The following ABCA13 variants were observed in gnomAD, a reference collection of about 807,000 sequenced individuals.
The protein encoded by ABCA13 is ATP-binding cassette sub-family A member 13.
ABCA13 carries 476 observed loss-of-function variants against 478.7 expected under a neutral mutation model. The observed-to-expected ratio is 0.99, with a 90% CI of 0.92 to 1.07. The LOEUF is 1.07. Ranked by LOEUF, ABCA13 falls within the 50% of genes least tolerant of loss-of-function variation. The probability of loss-of-function intolerance (pLI) is 0.00; values close to 1 mark genes in which losing one functional copy is unlikely to be tolerated. For synonymous variants in ABCA13, 2,252 were observed against 2,158.9 expected, an observed-to-expected ratio of 1.04 and a Z score of -1.20; for missense variants, 6,060 against 5,910.6, an observed-to-expected ratio of 1.03 and a Z score of -0.83.
Position 48,276,264 on chromosome 7 carries a change from G to A in ABCA13, c.6598G>A (p.Val2200Ile). Reference sequence around the variant, plus strand: ...TCAAGAACAGCTGACTAATTTCTCAGTTGTTCAGCTGCTTTTTGAAAACAT... The same window carrying A: ...TCAAGAACAGCTGACTAATTTCTCAATTGTTCAGCTGCTTTTTGAAAACAT... Reference protein sequence around the residue: ...LNQEQLTNFSVVQLLFENILI... With the variant: ...LNQEQLTNFSIVQLLFENILI... Residue 2200 changes from valine to isoleucine, a missense_variant, in exon 17 of 62, where the codon GTT becomes ATT. Transcript: ENST00000435803. 1 of 1,569,160 alleles carries A rather than the reference G, an allele frequency of 6.4e-7. No individual in the cohort carries two copies.
intron 47 of ABCA13, among the ~76,000 whole-genome samples, chr7:48,487,400 G>C (rs1829432733): frequency 6.6e-6 from 1 of 151,844 alleles, no homozygotes; most frequent in African/African-American, 2.4e-5. Context: ...GGGAGGCTGA[G>C]CAGGCAGCCT....
At chr7:48,598,783 TTCTA>T (rs1327389029) in intron 58 of ABCA13, among the ~76,000 whole-genome samples, 2 of 152,090 alleles carry the variant, frequency 1.3e-5, no homozygotes, top group Non-Finnish European at 2.9e-5. Context: ...AAAGATTTTC[TTCTA>T]TCTTTTTTTT....
intron 58 of ABCA13, among the ~76,000 whole-genome samples, chr7:48,610,371 A>G (rs1272567619): frequency 1.3e-5 from 2 of 152,208 alleles, no homozygotes; most frequent in Admixed American, 6.5e-5. Context: ...GGCCTTGAGC[A>G]GCTCCGCCCC....
chr7:48,520,245 C>T lies in ABCA13; in HGVS notation c.14002C>T (p.Leu4668Phe). The change falls in exon 53 of 62, where the codon CTT becomes TTT. Residue 4668 changes from leucine to phenylalanine, a missense_variant. Transcript: ENST00000435803. ...GCAACTGGCCTCGCAGGGCACAGTA[C>T]TTCTCCTCTTGAGGGTTCTGCTACA... ...FVQLASQGTV[L>F]LLLRVLLHWD... 1.2e-6 allele frequency: 2 copies of T among 1,613,506 alleles called. No individual in the cohort carries two copies. Among genetic ancestry groups the T allele is most frequent in the Non-Finnish European group, 1.7e-6 (2 of 1,179,700 alleles).
intron 35 of ABCA13, among the ~76,000 whole-genome samples, chr7:48,387,572 A>C (rs1815381726): frequency 6.6e-6 from 1 of 152,142 alleles, no homozygotes; most frequent in South Asian, 2.1e-4. Context: ...CCTACTCTAA[A>C]GATAAAGTCT....
intron 29 of ABCA13, among the ~76,000 whole-genome samples, chr7:48,346,390 A>G (rs111964075): frequency 6.6e-6 from 1 of 152,158 alleles, no homozygotes; most frequent in Non-Finnish European, 1.5e-5. Flanking sequence ...CACGCTTGCT[A>G]GGCAAGCTTA....
intron 31 of ABCA13, among the ~76,000 whole-genome samples, chr7:48,360,844 C>T (rs1237630205): frequency 1.3e-5 from 2 of 151,694 alleles, no homozygotes; most frequent in Non-Finnish European, 2.9e-5. Flanking sequence ...TGTAGTCCTG[C>T]CTTGAGGAAG....
intron 27 of ABCA13, among the ~76,000 whole-genome samples, chr7:48,330,649 C>T (rs1353569447): frequency 6.6e-6 from 1 of 151,834 alleles, no homozygotes; most frequent in African/African-American, 2.4e-5. Context: ...ATCCATCCAT[C>T]CATCTATTCA....
intron 48 of ABCA13, 94 bp from the exon 49 acceptor site, chr7:48,506,242 T>G: frequency 7.3e-7 from 1 of 1,371,836 alleles, no homozygotes; most frequent in East Asian, 2.3e-5. Flanking sequence ...GGATACATTG[T>G]GATGGCACAG....
intron 23 of ABCA13, among the ~76,000 whole-genome samples, chr7:48,306,172 C>T (rs1584753817): frequency 6.6e-6 from 1 of 152,214 alleles, no homozygotes; most frequent in African/African-American, 2.4e-5. Context: ...GCTGTGGCTT[C>T]TGTGCATTGT....
In ABCA13 at chr7:48,594,753, T is replaced by A; in HGVS notation, c.14684T>A (p.Leu4895Gln). Residue 4895 changes from leucine to glutamine, a missense_variant, in exon 58 of 62, where the codon CTG becomes CAG. Leu to Gln is a moderately radical substitution (Grantham distance 113). Transcript: ENST00000435803. ...ATGGATCCCTGCTCTAAGCGGTACC[T>A]GTGGCAAACAATAATGAAGGAGGTT... ...SGMDPCSKRY[L>Q]WQTIMKEVRE... is the part of the protein sequence containing the mutation. The A allele has an allele frequency of 6.2e-7, 1 of 1,613,982 alleles. No individual in the cohort carries two copies. The highest frequency in any genetic ancestry group is 8.5e-7 in the Non-Finnish European group (1 of 1,179,840).
intron 38 of ABCA13, among the ~76,000 whole-genome samples, chr7:48,393,138 A>G (rs1816314552): frequency 6.6e-6 from 1 of 152,230 alleles, no homozygotes; most frequent in South Asian, 2.1e-4. Flanking sequence ...TAGAGAACAA[A>G]GTGGTGTTTG....
chr7:48,372,697 TAAGA>T (rs1428043700), intron 33 of ABCA13, among the ~76,000 whole-genome samples, 200 bp downstream of exon 33: 2 of 152,186 alleles, frequency 1.3e-5, no homozygotes, highest in Non-Finnish European at 2.9e-5. Flanking sequence ...AGCAGCCCAT[TAAGA>T]ATGTCCAGTT....
intron 59 of ABCA13, among the ~76,000 whole-genome samples, chr7:48,637,363 T>C (rs1794723851): frequency 1.1e-5 from 1 of 87,780 alleles, no homozygotes; most frequent in Non-Finnish European, 2.2e-5. Flanking sequence ...GGGTGTTTTC[T>C]TTATTATGTT....
intron 40 of ABCA13, 35 bp downstream of exon 40, chr7:48,410,712 C>G (rs754282796): frequency 1.3e-6 from 2 of 1,585,508 alleles, no homozygotes; most frequent in South Asian, 2.3e-5. Context: ...CACTGAAGTC[C>G]CATTTCTGTC....
chr7:48,351,211 A>G (rs904015257), intron 30 of ABCA13, among the ~76,000 whole-genome samples: 4 of 152,220 alleles, frequency 2.6e-5, no homozygotes, highest in African/African-American at 9.6e-5. Context: ...GTATCTTGAT[A>G]TCCTGGTTGG....
intron 55 of ABCA13, among the ~76,000 whole-genome samples, chr7:48,530,589 T>C (rs187225414): frequency 6.6e-6 from 1 of 152,326 alleles, no homozygotes; most frequent in East Asian, 1.9e-4. Context: ...GTGGTTGTAC[T>C]AGTTTACATT....
chr7:48,558,585 A>G (rs1001498126), intron 55 of ABCA13, among the ~76,000 whole-genome samples: 9 of 152,160 alleles, frequency 5.9e-5, no homozygotes, highest in Non-Finnish European at 1.0e-4. Context: ...GACATGAGCC[A>G]CTGCACCCAG....
intron 3 of ABCA13, among the ~76,000 whole-genome samples, chr7:48,207,756 A>G: frequency 6.6e-6 from 1 of 151,798 alleles, no homozygotes; most frequent in South Asian, 2.1e-4. Context: ...GTTGTTTCTT[A>G]ACTTGGTTTG....
Sources: gnomAD v4.1 joint callset for allele counts (sites outside exome capture counted in the v4.1 genomes callset) on GRCh38, gnomAD v4.1.1 for gene constraint, MANE v1.5 for transcripts, NCBI Gene and HGNC (gene_info 2026-07-23, HGNC 2026-07-21) for gene names.